WDR70: variants seen among roughly 807,000 people sequenced by gnomAD.
WDR70 encodes the protein WD repeat-containing protein 70.
Under a neutral mutation model 88.6 loss-of-function variants are expected in WDR70, and 53 were observed. The ratio of observed to expected loss-of-function variants is 0.60; its 90% CI spans 0.48 to 0.75. The LOEUF (loss-of-function observed/expected upper bound fraction) is 0.75. Ranked by LOEUF, WDR70 falls within the 30% of genes least tolerant of loss-of-function variation. The pLI is 0.00. For missense variants in WDR70, 610 were observed against 823.2 expected (o/e 0.74, Z 3.17); for synonymous variants, 280 against 270.0 (o/e 1.04, Z -0.36).
At chr5:37,696,649 G>A (rs1746990846) in intron 10 of WDR70, among the ~76,000 whole-genome samples, 1 of 152,282 alleles carries the variant, frequency 6.6e-6, no homozygotes, top group South Asian at 2.1e-4. Flanking sequence ...TGGCATGTGT[G>A]TGTGGGTACA....
intron 10 of WDR70, among the ~76,000 whole-genome samples, chr5:37,616,204 C>T (rs1744336004): frequency 6.6e-6 from 1 of 152,174 alleles, no homozygotes; most frequent in East Asian, 1.9e-4. Context: ...GCAGCCTCTG[C>T]CTCCCAGATT....
At chr5:37,490,505 T>C (rs2112190571) in intron 8 of WDR70, among the ~76,000 whole-genome samples, 1 of 152,248 alleles carries the variant, frequency 6.6e-6, no homozygotes, top group South Asian at 2.1e-4. Flanking sequence ...ATTGGCTGCA[T>C]TGGCTAGGGT....
chr5:37,715,632 G>A (rs1015414594), intron 13 of WDR70, among the ~76,000 whole-genome samples: 3 of 152,178 alleles, frequency 2.0e-5, no homozygotes, highest in Admixed American at 2.0e-4. Context: ...GCCATCCCAA[G>A]TTTGAGAAAA....
chr5:37,541,900 G>A (rs1187952842), intron 9 of WDR70, among the ~76,000 whole-genome samples: 5 of 152,202 alleles, frequency 3.3e-5, no homozygotes, highest in Non-Finnish European at 2.9e-5. Flanking sequence ...GGCTGAACAT[G>A]CCGTATTAAA....
intron 9 of WDR70, among the ~76,000 whole-genome samples, chr5:37,524,409 C>T (rs1200944765): frequency 6.6e-6 from 1 of 152,052 alleles, no homozygotes; most frequent in East Asian, 1.9e-4. Flanking sequence ...GAAATAAAAT[C>T]CTTTACAGAC....
chr5:37,691,890 C>G (rs1393384483), intron 10 of WDR70, among the ~76,000 whole-genome samples: 1 of 152,088 alleles, frequency 6.6e-6, no homozygotes, highest in Non-Finnish European at 1.5e-5. Context: ...ACACAAAAAA[C>G]CCTTCAAAAA....
At chr5:37,474,420 G>A (rs751911475) in intron 7 of WDR70, among the ~76,000 whole-genome samples, 2 of 152,156 alleles carry the variant, frequency 1.3e-5, no homozygotes, top group Non-Finnish European at 1.5e-5. Flanking sequence ...ATCTCCGAGT[G>A]TGATTGTAGA....
At chr5:37,522,604 A>G (rs995364342) in intron 9 of WDR70, among the ~76,000 whole-genome samples, 1 of 152,120 alleles carries the variant, frequency 6.6e-6, no homozygotes, top group Non-Finnish European at 1.5e-5. Flanking sequence ...TACCAGGTTC[A>G]TCTCACTGGG....
chr5:37,668,708 C>T (rs1005092376), intron 10 of WDR70, among the ~76,000 whole-genome samples: 4 of 152,172 alleles, frequency 2.6e-5, no homozygotes, highest in Admixed American at 1.3e-4. Context: ...AGCTTTCTCC[C>T]GCAGCTGCAG....
At chr5:37,507,271 G>A (rs1740591043) in intron 8 of WDR70, among the ~76,000 whole-genome samples, 1 of 152,124 alleles carries the variant, frequency 6.6e-6, no homozygotes, top group Non-Finnish European at 1.5e-5. Flanking sequence ...GGGTACATGT[G>A]ATATTTTGTT....
At chr5:37,738,730 C>T (rs1748378826) in intron 17 of WDR70, among the ~76,000 whole-genome samples, 1 of 152,090 alleles carries the variant, frequency 6.6e-6, no homozygotes, top group South Asian at 2.1e-4. Context: ...TTTTCTGTAG[C>T]ATACAGTTGC....
At chr5:37,582,467 A>T (rs1743246444) in intron 9 of WDR70, among the ~76,000 whole-genome samples, 1 of 152,228 alleles carries the variant, frequency 6.6e-6, no homozygotes, top group Admixed American at 6.5e-5. Flanking sequence ...TATAATGATT[A>T]TACAACCATA....
chr5:37,724,163 G>A (rs892908988), intron 15 of WDR70: 1 of 152,028 alleles, frequency 6.6e-6, no homozygotes, highest in Middle Eastern at 3.2e-3. Context: ...CAAAAAAAGG[G>A]AGTTATTTAA....
At chr5:37,688,126 G>A in intron 10 of WDR70, 1 of 426,782 alleles carries the variant, frequency 2.3e-6, no homozygotes. Context: ...AGTATATATT[G>A]ATCAGTTAAT....
intron 5 of WDR70, among the ~76,000 whole-genome samples, chr5:37,435,668 G>C (rs971785): frequency 6.6e-6 from 1 of 152,062 alleles, no homozygotes; most frequent in African/African-American, 2.4e-5. Context: ...ATAATAATTT[G>C]GTCTTAAAAG....
Position 37,396,601 on chromosome 5 carries a change from G to A in WDR70, c.492+31G>A, listed in dbSNP as rs775133790. ...TATTTCAGTGGTAATTTAAGAATTC[G>A]GTGGAGTAATATCTTTACTGTAGAG... On this transcript the variant is annotated intron_variant, in intron 5 of 17. Coordinates refer to ENST00000265107, the MANE Select transcript of WDR70 (RefSeq NM_018034.4). 22 of 1,562,948 alleles carry A rather than the reference G, an allele frequency of 1.4e-5. 1 individual carries two copies. The South Asian group carries it at 2.0e-4, about 14-fold the overall frequency.
intron 8 of WDR70, among the ~76,000 whole-genome samples, chr5:37,481,946 G>T (rs1243828394): frequency 6.6e-6 from 1 of 152,022 alleles, no homozygotes; most frequent in African/African-American, 2.4e-5. Context: ...ACTCTTTCCC[G>T]CCTATCTTAT....
chr5:37,379,497 T>C lies in WDR70; in HGVS notation c.34T>C (p.Ser12Pro). The change falls in exon 2 of 18, where the codon TCA becomes CCA. Residue 12 changes from serine to proline, a missense_variant. Transcript: ENST00000265107. ...ERSGPSEVTG[S>P]DASGPDPQLA... ...TTTTCCTCTTGCTCCAGTGACAGGC[T>C]CAGACGCGTCGGGACCGGACCCGCA... The C allele has an allele frequency of 1.2e-6, 2 of 1,613,946 alleles. No individual in the cohort carries two copies. Among genetic ancestry groups the C allele is most frequent in the Non-Finnish European group, 1.7e-6 (2 of 1,179,866 alleles).
chr5:37,494,017 T>A (rs1394182706), intron 8 of WDR70, among the ~76,000 whole-genome samples: 1 of 151,866 alleles, frequency 6.6e-6, no homozygotes, highest in East Asian at 1.9e-4. Flanking sequence ...TGAGGTTTCA[T>A]CATGTTGGCC....
Sources: gnomAD v4.1 joint callset for allele counts (sites outside exome capture counted in the v4.1 genomes callset) on GRCh38, gnomAD v4.1.1 for gene constraint, MANE v1.5 for transcripts, NCBI Gene and HGNC (gene_info 2026-07-23, HGNC 2026-07-21) for gene names.